RORA: variants seen among roughly 807,000 people sequenced by gnomAD.
RORA encodes nuclear receptor ROR-alpha.
RORA carries 7 observed loss-of-function variants against 69.5 expected under a neutral mutation model. The observed-to-expected ratio is 0.10, with a 90% CI of 0.06 to 0.19. The LOEUF (loss-of-function observed/expected upper bound fraction) is 0.19. Among genes scored for constraint, RORA ranks in the 10% least tolerant of loss-of-function variants. The pLI is 1.00. For synonymous variants in RORA, 261 were observed against 240.8 expected, an observed-to-expected ratio of 1.08 and a Z score of -0.78; for missense variants, 457 against 663.0, an observed-to-expected ratio of 0.69 and a Z score of 3.41.
chr15:60,857,362 AATG>A (rs1266952211), intron 1 of RORA, among the ~76,000 whole-genome samples: 2 of 151,970 alleles, frequency 1.3e-5, no homozygotes, highest in Admixed American at 1.3e-4. Flanking sequence ...CCGAGACTGA[AATG>A]ATCTTTGCTC....
chr15:60,725,049 C>A (rs1033160055), intron 1 of RORA, among the ~76,000 whole-genome samples: 2 of 152,188 alleles, frequency 1.3e-5, no homozygotes, highest in African/African-American at 4.8e-5. Flanking sequence ...TTTATCAAAG[C>A]AGAAAGCACA....
chr15:60,698,872 T>A (rs894776199), intron 1 of RORA, among the ~76,000 whole-genome samples: 12 of 152,164 alleles, frequency 7.9e-5, no homozygotes, highest in East Asian at 3.8e-4. Flanking sequence ...TCTGCATTTT[T>A]AAAAAATTTT....
intron 8 of RORA, 81 bp downstream of exon 8, chr15:60,502,679 T>C: frequency 1.1e-6 from 1 of 879,460 alleles, no homozygotes; most frequent in Admixed American, 2.3e-5. Flanking sequence ...GTTTTCATTT[T>C]GTCCAAGCAG....
At chr15:61,029,230 C>A (rs1394978646) in intron 1 of RORA, among the ~76,000 whole-genome samples, 1 of 151,886 alleles carries the variant, frequency 6.6e-6, no homozygotes, top group African/African-American at 2.4e-5. Context: ...ATACTGCAAG[C>A]CTAGGGAAAT....
chr15:61,033,701 G>A (rs1402215526), intron 1 of RORA, among the ~76,000 whole-genome samples: 1 of 49,572 alleles, frequency 2.0e-5, no homozygotes, highest in African/African-American at 7.9e-5. Context: ...TGGCCAGTCT[G>A]AATTGAGATG....
intron 2 of RORA, among the ~76,000 whole-genome samples, chr15:60,629,187 C>CTTT (rs34687322): frequency 1.8e-5 from 2 of 112,026 alleles, no homozygotes; most frequent in African/African-American, 3.7e-5. Flanking sequence ...ACTGTTTATT[C>CTTT]TTTTTTTTTT....
intron 1 of RORA, among the ~76,000 whole-genome samples, chr15:60,709,442 G>T (rs901717149): frequency 3.9e-5 from 6 of 152,106 alleles, no homozygotes; most frequent in Admixed American, 2.0e-4. Flanking sequence ...TTTTCCTTTA[G>T]ATCAGGGGTC....
intron 1 of RORA, among the ~76,000 whole-genome samples, chr15:60,700,706 C>G (rs986654489): frequency 6.6e-6 from 1 of 152,164 alleles, no homozygotes; most frequent in Non-Finnish European, 1.5e-5. Context: ...TTATAGCTCT[C>G]CAAATGTTCC....
At chr15:61,027,608 C>T (rs1895894648) in intron 1 of RORA, among the ~76,000 whole-genome samples, 1 of 152,148 alleles carries the variant, frequency 6.6e-6, no homozygotes, top group South Asian at 2.1e-4. Context: ...CAAGCTTGGG[C>T]CACGTCCTCT....
At chr15:60,617,728 T>A (rs2069291190) in intron 2 of RORA, among the ~76,000 whole-genome samples, 2 of 150,652 alleles carry the variant, frequency 1.3e-5, no homozygotes, top group Admixed American at 1.3e-4. Context: ...AACTGTGAGC[T>A]TCTTCTCAGC....
At chr15:60,569,619 A>G (rs1336719198) in intron 2 of RORA, among the ~76,000 whole-genome samples, 1 of 152,182 alleles carries the variant, frequency 6.6e-6, no homozygotes, top group East Asian at 1.9e-4. Flanking sequence ...AAAAATGACA[A>G]TTAGTCTCCT....
Position 60,537,732 on chromosome 15 carries a change from C to G in RORA, c.197-5881G>C, listed in dbSNP as rs1209246643. 6.6e-6 allele frequency among the ~76,000 whole-genome samples: 1 copy of G among 152,198 alleles called. No individual in the cohort carries two copies. The highest frequency in any genetic ancestry group is 2.4e-5 in the African/African-American group (1 of 41,446). ...GTTTGGCCACTTGGTCTGCTAAGTT[C>G]ATTTTAAATATAACACTAATATGTT... is the stretch of plus-strand genomic sequence containing the variant. On this transcript the variant is annotated intron_variant, in intron 2 of 10. Transcript: ENST00000335670. The surrounding 1 kb of genome is among the most constrained non-coding windows in gnomAD (Gnocchi z 4.9).
At chr15:60,843,791 G>A (rs530702503) in intron 1 of RORA, among the ~76,000 whole-genome samples, 26 of 152,302 alleles carry the variant, frequency 1.7e-4, no homozygotes, top group Non-Finnish European at 2.9e-4. Flanking sequence ...GGCAAGGTCC[G>A]TGAATGTCTC....
intron 1 of RORA, among the ~76,000 whole-genome samples, chr15:61,189,599 T>C (rs1430075798): frequency 6.6e-6 from 1 of 152,052 alleles, no homozygotes; most frequent in Non-Finnish European, 1.5e-5. Flanking sequence ...GGCTCACACC[T>C]GTAATCCCAA....
At chr15:61,075,866 G>A (rs2078441670) in intron 1 of RORA, among the ~76,000 whole-genome samples, 1 of 152,154 alleles carries the variant, frequency 6.6e-6, no homozygotes, top group Non-Finnish European at 1.5e-5. Flanking sequence ...GGCAAGAACT[G>A]TCCCATATCA....
rs80054854 is a variant in RORA, at chr15:61,004,446, G to A, written c.166+224607C>T. Among the ~76,000 whole-genome samples, 705 of 149,726 alleles carry A rather than the reference G, an allele frequency of 4.7e-3. 5 individuals are homozygous for A. Among genetic ancestry groups the A allele is most frequent in the African/African-American group, 0.015 (610 of 40,410 alleles). On this transcript the variant is annotated intron_variant, in intron 1 of 10. Coordinates refer to ENST00000335670, the MANE Select transcript of RORA (RefSeq NM_134261.3). The stretch of plus-strand genomic sequence containing the variant: ...CATTTTTCAGGCCATAAGTATTTCT[G>A]CAAGGTCCAGAGTCCCAAGGCACAT...
At chr15:60,782,132 G>T (rs988240905) in intron 1 of RORA, among the ~76,000 whole-genome samples, 40 of 152,190 alleles carry the variant, frequency 2.6e-4, no homozygotes, top group African/African-American at 9.4e-4. Context: ...GGCTGAGGCA[G>T]AAGAATTGCT....
Position 60,489,698 on chromosome 15 carries a change from G to A in RORA, c.*7757C>T, listed in dbSNP as rs2065010738. The A allele has an allele frequency of 6.6e-6, 1 of 152,152 alleles. No homozygotes were observed. Among genetic ancestry groups the A allele is most frequent in the African/African-American group, 2.4e-5 (1 of 41,414 alleles). The allele number at this position is 152,152 out of a possible 1,614,324, so 9.4% of individuals were successfully genotyped here. The stretch of plus-strand genomic sequence containing the variant: ...CTTTATGGCCCATGTTATGGCAGAG[G>A]ACGTCTCCATCCTTCTCATGACTCA... On this transcript the variant is annotated 3_prime_UTR_variant, in exon 11 of 11. Transcript: ENST00000335670.
chr15:60,906,551 G>C (rs572284456), intron 1 of RORA, among the ~76,000 whole-genome samples: 3 of 152,224 alleles, frequency 2.0e-5, no homozygotes, highest in African/African-American at 7.2e-5. Context: ...CCCTCTCTCA[G>C]ATATTGTTTG....
Sources: gnomAD v4.1 joint callset for allele counts (sites outside exome capture counted in the v4.1 genomes callset) on GRCh38, gnomAD v4.1.1 for gene constraint, Gnocchi (gnomAD v3.1) non-coding constraint, MANE v1.5 for transcripts, NCBI Gene and HGNC (gene_info 2026-07-23, HGNC 2026-07-21) for gene names.